The following GRIN2A variants were observed in gnomAD, a reference collection of about 807,000 sequenced individuals.
The protein encoded by GRIN2A is glutamate ionotropic receptor NMDA type subunit 2A, also known as glutamate receptor ionotropic, NMDA 2A.
A neutral mutation model predicts 113.4 loss-of-function variants in GRIN2A; 22 were observed. The observed-to-expected ratio is 0.19, with a 90% confidence interval of 0.14 to 0.28. The LOEUF is 0.28. GRIN2A is among the 10% of genes least tolerant of loss of function. GRIN2A has a pLI of 1.00. For synonymous variants in GRIN2A, 827 were observed against 738.4 expected (o/e 1.12, Z -1.94); for missense variants, 1,502 against 1,887.0 (o/e 0.80, Z 3.78).
chr16:10,086,613 A>C (rs1019626983), intron 2 of GRIN2A, among the ~76,000 whole-genome samples: 3 of 97,330 alleles, frequency 3.1e-5, no homozygotes, highest in African/African-American at 8.9e-5. Context: ...TCCAAAAAAA[A>C]AAAAAAAAAA....
At chr16:10,122,113 C>T (rs886142480) in intron 2 of GRIN2A, among the ~76,000 whole-genome samples, 1 of 152,156 alleles carries the variant, frequency 6.6e-6, no homozygotes, top group Non-Finnish European at 1.5e-5. Flanking sequence ...AACTGGTAAC[C>T]TATTGACAAA....
intron 2 of GRIN2A, among the ~76,000 whole-genome samples, chr16:10,096,703 T>G (rs2048299868): frequency 6.6e-6 from 1 of 152,136 alleles, no homozygotes. Flanking sequence ...CTATCAGTTC[T>G]TTCTTGCTGG....
At chr16:9,819,521 G>GA (rs572371350) in intron 10 of GRIN2A, among the ~76,000 whole-genome samples, 9,969 of 133,826 alleles carry the variant, frequency 0.074, 742 homozygotes, top group African/African-American at 0.21. Context: ...GACCCTGTCT[G>GA]AAAAAAAAAA....
intron 8 of GRIN2A, among the ~76,000 whole-genome samples, chr16:9,831,982 G>C (rs1224729476): frequency 6.6e-6 from 1 of 151,994 alleles, no homozygotes; most frequent in African/African-American, 2.4e-5. Context: ...GCAGTGGTGT[G>C]ATCATAGCTC....
chr16:9,787,284 C>G (rs183313110), intron 11 of GRIN2A, among the ~76,000 whole-genome samples: 1 of 152,346 alleles, frequency 6.6e-6, no homozygotes, highest in Admixed American at 6.5e-5. Flanking sequence ...ACAACTCCTT[C>G]TCTTAACCCA....
intron 3 of GRIN2A, among the ~76,000 whole-genome samples, chr16:9,904,790 G>T (rs539051209): frequency 3.3e-5 from 5 of 152,312 alleles, no homozygotes; most frequent in Non-Finnish European, 7.3e-5. Flanking sequence ...GGGGATTAGG[G>T]TTTCAACATA....
At chr16:10,141,486 T>TA (rs971792385) in intron 2 of GRIN2A, among the ~76,000 whole-genome samples, 2 of 151,914 alleles carry the variant, frequency 1.3e-5, no homozygotes, top group African/African-American at 2.4e-5. Context: ...AGACTCCATC[T>TA]AAAAAAATGA....
chr16:9,901,434 T>C (rs913293731), intron 3 of GRIN2A, among the ~76,000 whole-genome samples: 1 of 152,190 alleles, frequency 6.6e-6, no homozygotes, highest in Non-Finnish European at 1.5e-5. Context: ...TGTTCTTTTT[T>C]ATACGATATT....
rs2044391912 is a variant in GRIN2A, at chr16:9,923,266, A to T, written c.1007+14693T>A. ...TACTTAGTGTCTTATTAATACAGCC[A>T]GTCCAGTTTTTTAAAATTAGTATTA... On this transcript the variant is annotated intron_variant, in intron 3 of 12. Coordinates refer to ENST00000330684, the MANE Select transcript of GRIN2A (RefSeq NM_001134407.3). 5.3e-5 allele frequency among the ~76,000 whole-genome samples: 8 copies of T among 152,166 alleles called. No homozygotes were observed. The South Asian group carries it at 1.7e-3, about 32-fold the overall frequency.
intron 2 of GRIN2A, among the ~76,000 whole-genome samples, chr16:10,157,709 C>A (rs568175251): frequency 6.6e-6 from 1 of 152,170 alleles, no homozygotes; most frequent in Non-Finnish European, 1.5e-5. Context: ...ACAGCCCCCA[C>A]GATCAATCAC....
At chr16:9,846,666 A>G (rs901817830) in intron 5 of GRIN2A, among the ~76,000 whole-genome samples, 1 of 152,200 alleles carries the variant, frequency 6.6e-6, no homozygotes, top group African/African-American at 2.4e-5. Flanking sequence ...AAGACAAACT[A>G]TACACTGTAA....
At chr16:10,057,665 G>T (rs892303116) in intron 2 of GRIN2A, among the ~76,000 whole-genome samples, 1 of 152,050 alleles carries the variant, frequency 6.6e-6, no homozygotes, top group Non-Finnish European at 1.5e-5. Context: ...TCCCAAAGAG[G>T]CTTACACGAT....
chr16:10,047,360 T>C (rs2047280017), intron 2 of GRIN2A, among the ~76,000 whole-genome samples: 1 of 152,222 alleles, frequency 6.6e-6, no homozygotes, highest in African/African-American at 2.4e-5. Context: ...CCTCTCTAGA[T>C]CATTTTCAGA....
At chr16:9,784,441 C>CAAAAAAAAAAAAAA (rs71400493) in intron 11 of GRIN2A, among the ~76,000 whole-genome samples, 1 of 126,670 alleles carries the variant, frequency 7.9e-6, no homozygotes. Flanking sequence ...CAACAACAAC[C>CAAAAAAAAAAAAAA]AAAAAAAAAA....
At chr16:10,083,607 A>G (rs957586831) in intron 2 of GRIN2A, among the ~76,000 whole-genome samples, 3 of 152,192 alleles carry the variant, frequency 2.0e-5, no homozygotes, top group Non-Finnish European at 2.9e-5. Context: ...ACACGCTCAT[A>G]GAGCTGCTTC....
intron 2 of GRIN2A, among the ~76,000 whole-genome samples, chr16:10,138,232 G>A (rs1372567828): frequency 6.6e-6 from 1 of 152,202 alleles, no homozygotes; most frequent in Non-Finnish European, 1.5e-5. Context: ...GTCAGAGAGG[G>A]CTGAGTTTGA....
chr16:9,806,859 A>C (rs1406231193), intron 10 of GRIN2A, among the ~76,000 whole-genome samples: 1 of 152,076 alleles, frequency 6.6e-6, no homozygotes, highest in Non-Finnish European at 1.5e-5. Context: ...TGCCCACCCA[A>C]ATCTCATCTT....
intron 2 of GRIN2A, among the ~76,000 whole-genome samples, chr16:10,004,157 G>A (rs2046367083): frequency 1.3e-5 from 2 of 152,106 alleles, no homozygotes; most frequent in Non-Finnish European, 1.5e-5. Flanking sequence ...TTGGGAGGCT[G>A]AGGCGGGCAC....
chr16:10,074,795 A>G (rs1307555243), intron 2 of GRIN2A, among the ~76,000 whole-genome samples: 2 of 152,226 alleles, frequency 1.3e-5, no homozygotes, highest in Non-Finnish European at 2.9e-5. Context: ...CTGTTCTAGA[A>G]TTAGGGAGTG....
Sources: allele counts gnomAD v4.1 joint callset (sites outside exome capture counted in the v4.1 genomes callset), GRCh38; gene constraint gnomAD v4.1.1; transcripts MANE v1.5; gene names NCBI Gene and HGNC (gene_info 2026-07-23, HGNC 2026-07-21).